Variants in CLCN1 observed in about 807,000 individuals in gnomAD.
The protein encoded by CLCN1 is chloride voltage-gated channel 1, also known as chloride channel protein 1.
Under a neutral mutation model 114.5 loss-of-function variants are expected in CLCN1, and 100 were observed. The observed-to-expected ratio is 0.87, with a 90% CI of 0.74 to 1.03. The LOEUF (loss-of-function observed/expected upper bound fraction) is 1.03, where lower values mean the gene tolerates loss of function less well. CLCN1 is among the 50% of genes least tolerant of loss of function. The pLI is 0.00. For missense variants in CLCN1, 1,188 were observed against 1,250.0 expected (o/e 0.95, Z 0.75); for synonymous variants, 485 against 487.1 (o/e 1.00, Z 0.06).
intron 12 of CLCN1, among the ~76,000 whole-genome samples, chr7:143,333,178 G>C (rs1209880711): frequency 6.6e-6 from 1 of 152,112 alleles, no homozygotes; most frequent in Non-Finnish European, 1.5e-5. Context: ...GCGCATGCCT[G>C]TAATCCCAGC....
At chr7:143,342,202 C>T (rs1009762010) in intron 15 of CLCN1, 60 bp downstream of exon 15, 3 of 1,551,660 alleles carry the variant, frequency 1.9e-6, no homozygotes, top group African/African-American at 2.7e-5. Context: ...GGTTCTGAGG[C>T]TGAGACTGAG....
chr7:143,346,391 C>G (rs1181373644), intron 18 of CLCN1, 140 bp downstream of exon 18: 1 of 748,118 alleles, frequency 1.3e-6, no homozygotes, highest in Non-Finnish European at 2.3e-6. Flanking sequence ...GGACAGGGTT[C>G]TTATTCATCA....
At chr7:143,340,659 A>G (rs752901359) in intron 14 of CLCN1, among the ~76,000 whole-genome samples, 7 of 152,048 alleles carry the variant, frequency 4.6e-5, no homozygotes, top group South Asian at 2.1e-4. Flanking sequence ...CAGCCTCCCA[A>G]GTAGCTGGGA....
chr7:143,321,705 A>G lies in CLCN1; in HGVS notation c.563-10A>G. 1 of 1,614,082 alleles carries G rather than the reference A, an allele frequency of 6.2e-7. No homozygotes were observed. The highest frequency in any genetic ancestry group is 8.5e-7 in the Non-Finnish European group (1 of 1,180,004). ...CCTTGACCCTGCACATAATCTTTCA[A>G]CGCTTTTAGGCTCTGGAATCCCCGA... On this transcript the variant is annotated splice_polypyrimidine_tract_variant and intron_variant, in intron 4 of 22. Transcript: ENST00000343257. This position sits in a 1 kb window ranked among gnomAD's most constrained non-coding sequence, Gnocchi z 4.2.
At chr7:143,325,979 AGGT>A (rs1451577984) in intron 7 of CLCN1, among the ~76,000 whole-genome samples, 1 of 152,098 alleles carries the variant, frequency 6.6e-6, no homozygotes, top group African/African-American at 2.4e-5. Flanking sequence ...TAAATGACAA[AGGT>A]ATTTGCAGGT....
chr7:143,349,674 CAGTATAGCTCTTCAATTTCAACA>C (rs1803344226), intron 20 of CLCN1, among the ~76,000 whole-genome samples: 1 of 152,210 alleles, frequency 6.6e-6, no homozygotes, highest in Non-Finnish European at 1.5e-5. Context: ...CCATGAGGTC[CAGTATAGCTCTTCAATTTCAACA>C]AGTACCCACT....
intron 17 of CLCN1, 86 bp downstream of exon 17, chr7:143,345,848 GA>G: frequency 1.1e-5 from 17 of 1,531,976 alleles, no homozygotes; most frequent in African/African-American, 1.4e-5. Context: ...GCTGGGCTGG[GA>G]CAGGCGTAGT....
At chr7:143,331,091 G>A (rs947551488) in intron 8 of CLCN1, 141 bp from the exon 9 acceptor site, 103 of 1,041,980 alleles carry the variant, frequency 9.9e-5, no homozygotes, top group East Asian at 1.2e-4. Context: ...AGGAGTGTGC[G>A]TAGAAAAAAG....
At chr7:143,348,013 G>A (rs571459887) in intron 20 of CLCN1, among the ~76,000 whole-genome samples, 5 of 152,190 alleles carry the variant, frequency 3.3e-5, no homozygotes, top group East Asian at 1.9e-4. Flanking sequence ...TGCTGCAAAC[G>A]CCGAAAACGT....
chr7:143,329,218 G>A (rs1358694430), intron 7 of CLCN1, among the ~76,000 whole-genome samples: 1 of 152,028 alleles, frequency 6.6e-6, no homozygotes, highest in African/African-American at 2.4e-5. Context: ...CCCCTGCCTC[G>A]GCCTCCCAAA....
At chr7:143,338,954 G>A (rs1275644549) in intron 12 of CLCN1, among the ~76,000 whole-genome samples, 2 of 152,212 alleles carry the variant, frequency 1.3e-5, no homozygotes, top group Non-Finnish European at 2.9e-5. Context: ...AGAAAGATAA[G>A]TACTCCGGGG....
rs747257219 is a variant in CLCN1, at chr7:143,345,690, G to A, written c.2100G>A (p.Ala700=). ...TGGCTGGGGAGGGGCTCCCCGGCGC[G>A]CCTCCAGGCCGGCCCGAGTCCTTCG... ...ARLAGEGLPG[A]PPGRPESFAF... is the part of the protein sequence containing the mutation. The change falls in exon 17 of 23, where the codon GCG becomes GCA. Residue 700 remains alanine, a synonymous_variant. Coordinates refer to ENST00000343257, the MANE Select transcript of CLCN1 (RefSeq NM_000083.3). The A allele has an allele frequency of 1.3e-6, 2 of 1,556,850 alleles. No homozygotes were observed. Among genetic ancestry groups the A allele is most frequent in the Non-Finnish European group, 1.7e-6 (2 of 1,151,982 alleles).
chr7:143,338,536 G>A (rs564015631), intron 12 of CLCN1, among the ~76,000 whole-genome samples: 2 of 152,122 alleles, frequency 1.3e-5, no homozygotes, highest in East Asian at 1.9e-4. Context: ...CTGTAATCCC[G>A]GCACTTTGGG....
chr7:143,319,730 C>T (rs1345992057), intron 1 of CLCN1, 25 bp from the exon 2 acceptor site: 3 of 1,612,968 alleles, frequency 1.9e-6, no homozygotes, highest in Non-Finnish European at 1.7e-6. Flanking sequence ...ACAAGGCAGA[C>T]ACTGATCATT....
At chr7:143,344,751 GT>G (rs11370140) in intron 16 of CLCN1, among the ~76,000 whole-genome samples, 323 of 131,290 alleles carry the variant, frequency 2.5e-3, no homozygotes, top group African/African-American at 6.3e-3. Context: ...TCCTAGCAGG[GT>G]TTTTTTTTTT....
chr7:143,332,227 G>T (rs1802743744), intron 10 of CLCN1, among the ~76,000 whole-genome samples, 192 bp from the exon 11 acceptor site: 1 of 152,210 alleles, frequency 6.6e-6, no homozygotes, highest in Non-Finnish European at 1.5e-5. Context: ...GCCTCCCAAA[G>T]TGCCCCATGG....
chr7:143,332,528 G>C lies in CLCN1; in HGVS notation c.1251+25G>C, dbSNP rs769234789. On this transcript the variant is annotated intron_variant, in intron 11 of 22. Transcript: ENST00000343257. ...GGTCAGCTGTTGGTGGGGCCACATGGTAAAGAGGAAACAGCACAGATATAC... is the reference window on the plus strand; with the variant it reads ...GGTCAGCTGTTGGTGGGGCCACATGCTAAAGAGGAAACAGCACAGATATAC... 15 of 1,590,904 alleles carry C rather than the reference G, an allele frequency of 9.4e-6. No homozygotes were observed. In the East Asian group the frequency reaches 3.1e-4, roughly 33 times the overall value.
chr7:143,338,298 T>A (rs1405436822), intron 12 of CLCN1, among the ~76,000 whole-genome samples: 2 of 152,204 alleles, frequency 1.3e-5, no homozygotes, highest in Non-Finnish European at 2.9e-5. Flanking sequence ...ACCCTTCCAG[T>A]AGCTAGCCAG....
intron 7 of CLCN1, among the ~76,000 whole-genome samples, chr7:143,330,531 C>T (rs1201649277): frequency 6.6e-6 from 1 of 152,116 alleles, no homozygotes; most frequent in South Asian, 2.1e-4. Context: ...AGGTTGAAGG[C>T]CCATTCGTTT....
Sources: allele counts gnomAD v4.1 joint callset (sites outside exome capture counted in the v4.1 genomes callset), GRCh38; gene constraint gnomAD v4.1.1; non-coding constraint Gnocchi (gnomAD v3.1); transcripts MANE v1.5; gene names NCBI Gene and HGNC (gene_info 2026-07-23, HGNC 2026-07-21).